Variants in MED12L observed in about 807,000 individuals in gnomAD.
MED12L encodes mediator complex subunit 12L.
In MED12L, 60 loss-of-function variants were observed where a neutral mutation model predicts 281.3. The ratio of observed to expected loss-of-function variants is 0.21; its 90% CI spans 0.17 to 0.26. MED12L has a LOEUF of 0.26. Ranked by LOEUF, MED12L falls within the 10% of genes least tolerant of loss-of-function variation. The pLI, the probability that MED12L is intolerant of heterozygous loss-of-function variation, is 1.00. For synonymous variants in MED12L, 974 were observed against 987.2 expected (o/e 0.99, Z 0.25); for missense variants, 2,146 against 2,680.9 (o/e 0.80, Z 4.41).
At chr3:151,286,252 T>G (rs1490934992) in intron 16 of MED12L, among the ~76,000 whole-genome samples, 1 of 152,212 alleles carries the variant, frequency 6.6e-6, no homozygotes, top group Non-Finnish European at 1.5e-5. Flanking sequence ...AGTTTCTGTC[T>G]CTAAAGGTCT....
Position 151,185,393 on chromosome 3 carries a change from T to C in MED12L, c.1558T>C (p.Ser520Pro), listed in dbSNP as rs777027685. 1 of 1,613,946 alleles carries C rather than the reference T, an allele frequency of 6.2e-7. No individual in the cohort carries two copies. The highest frequency in any genetic ancestry group is 8.5e-7 in the Non-Finnish European group (1 of 1,179,978). ...TGAATGGGCCGTGAGCTGCAAACGG[T>C]CTGGCAAGCACAGGGCCATGGCTGT... ...LCEWAVSCKR[S>P]GKHRAMAVAK... The change falls in exon 12 of 45, where the codon TCT (serine) becomes CCT (proline). Residue 520 changes from serine (S) to proline (P), a missense_variant. This residue lies in a region of MED12L where 722 missense variants were observed against 861.2 expected (regional missense o/e 0.84). Transcript: ENST00000687756.
At chr3:151,396,875 C>T (rs1350430030) in intron 39 of MED12L, among the ~76,000 whole-genome samples, 4 of 152,150 alleles carry the variant, frequency 2.6e-5, no homozygotes, top group Admixed American at 1.3e-4. Flanking sequence ...CCATGACAAA[C>T]GATTTCAGCT....
chr3:151,169,569 A>G (rs527630544), intron 11 of MED12L, among the ~76,000 whole-genome samples: 1 of 152,320 alleles, frequency 6.6e-6, no homozygotes, highest in Non-Finnish European at 1.5e-5. Context: ...GGCATAGAGT[A>G]CTTGCCCTTT....
chr3:151,394,769 GCAATCA>G lies in MED12L; in HGVS notation c.5725_5730del (p.Ile1909_Thr1910del). On this transcript the variant is annotated inframe_deletion, in exon 39 of 45. Coordinates refer to ENST00000687756, the MANE Select transcript of MED12L (RefSeq NM_001393769.1). ...CATGATGCAGCCGCCTTCTCTTCAT[GCAATCA>G]CATCGCAGCAGCAGTTGATACAGAT... is the stretch of plus-strand genomic sequence containing the variant. 6.2e-7 allele frequency: 1 copy of G among 1,614,216 alleles called. No individual in the cohort carries two copies. The highest frequency in any genetic ancestry group is 8.5e-7 in the Non-Finnish European group (1 of 1,180,032).
chr3:151,334,518 T>C (rs1020711417), intron 16 of MED12L, among the ~76,000 whole-genome samples: 2 of 152,102 alleles, frequency 1.3e-5, no homozygotes, highest in Non-Finnish European at 2.9e-5. Flanking sequence ...TTTGTTTATT[T>C]ATTTAGAGAT....
At chr3:151,151,585 T>G (rs1458429196) in intron 5 of MED12L, among the ~76,000 whole-genome samples, 3 of 108,016 alleles carry the variant, frequency 2.8e-5, no homozygotes, top group African/African-American at 1.1e-4. Context: ...AGGCCTGAAG[T>G]TGGGTGGGGG....
At chr3:151,119,314 G>T (rs58218463) in intron 3 of MED12L, among the ~76,000 whole-genome samples, 1 of 151,832 alleles carries the variant, frequency 6.6e-6, no homozygotes, top group African/African-American at 2.4e-5. Flanking sequence ...CTTCAGACTG[G>T]GTGTCTTAAA....
At chr3:151,154,657 G>A (rs1397593569) in intron 5 of MED12L, among the ~76,000 whole-genome samples, 1 of 152,134 alleles carries the variant, frequency 6.6e-6, no homozygotes. Flanking sequence ...AGCAAGGGTT[G>A]GCATACAAAA....
chr3:151,305,749 G>A (rs1336576582), intron 16 of MED12L, among the ~76,000 whole-genome samples: 1 of 151,722 alleles, frequency 6.6e-6, no homozygotes, highest in Non-Finnish European at 1.5e-5. Context: ...AAGTGGGAGG[G>A]GGGCAGTATT....
At chr3:151,139,294 C>G (rs562910132) in intron 5 of MED12L, among the ~76,000 whole-genome samples, 1 of 152,092 alleles carries the variant, frequency 6.6e-6, no homozygotes, top group African/African-American at 2.4e-5. Context: ...AGCCATTTCT[C>G]CAAGGAGCCC....
At chr3:151,115,017 C>G (rs1433883211) in intron 2 of MED12L, among the ~76,000 whole-genome samples, 8 of 152,174 alleles carry the variant, frequency 5.3e-5, no homozygotes, top group African/African-American at 9.7e-5. Flanking sequence ...GTGAGGCACA[C>G]TTTTCTCATC....
At chr3:151,419,168 T>G (rs746774491) in intron 43 of MED12L, among the ~76,000 whole-genome samples, 15 of 152,254 alleles carry the variant, frequency 9.9e-5, no homozygotes, top group Admixed American at 5.2e-4. Context: ...ACTCTTATGT[T>G]TCTGCATTTA....
intron 16 of MED12L, among the ~76,000 whole-genome samples, chr3:151,324,977 C>G (rs1453516221): frequency 6.6e-6 from 1 of 152,070 alleles, no homozygotes; most frequent in Admixed American, 6.6e-5. Context: ...CTGTTAATAT[C>G]TGTGTGAACT....
At chr3:151,361,522 A>C (rs1011328710) in intron 21 of MED12L, among the ~76,000 whole-genome samples, 3 of 152,154 alleles carry the variant, frequency 2.0e-5, no homozygotes, top group Admixed American at 1.3e-4. Flanking sequence ...ATGACCTGAT[A>C]ATGATAGTAG....
intron 16 of MED12L, among the ~76,000 whole-genome samples, chr3:151,234,482 A>T (rs1732324673): frequency 6.6e-6 from 1 of 152,236 alleles, no homozygotes; most frequent in Non-Finnish European, 1.5e-5. Flanking sequence ...TGTTTTTACT[A>T]GCTTGTCTGT....
chr3:151,168,112 C>CA (rs1178555717), intron 11 of MED12L, among the ~76,000 whole-genome samples: 1 of 151,784 alleles, frequency 6.6e-6, no homozygotes, highest in Non-Finnish European at 1.5e-5. Flanking sequence ...GGTGTTTTTT[C>CA]AAAAAAATTC....
intron 16 of MED12L, among the ~76,000 whole-genome samples, chr3:151,237,347 TTTC>T (rs1338012170): frequency 1.5e-5 from 1 of 65,442 alleles, no homozygotes; most frequent in African/African-American, 5.1e-5. Context: ...TTTTTTTTTT[TTTC>T]TTTTTTTTTT....
chr3:151,214,479 A>C (rs920794469), intron 16 of MED12L: 2 of 565,038 alleles, frequency 3.5e-6, no homozygotes, highest in South Asian at 5.0e-5. Context: ...TGTAAGTTAG[A>C]CACTCATCCC....
At chr3:151,354,191 T>TA (rs780120361) in intron 17 of MED12L, among the ~76,000 whole-genome samples, 28 of 148,812 alleles carry the variant, frequency 1.9e-4, no homozygotes, top group Non-Finnish European at 3.1e-4. Context: ...AATGACATTA[T>TA]CAATCATATA....
Sources: allele counts gnomAD v4.1 joint callset (sites outside exome capture counted in the v4.1 genomes callset), GRCh38; gene constraint gnomAD v4.1.1; regional missense constraint gnomAD v4.1.1; transcripts MANE v1.5; gene names NCBI Gene and HGNC (gene_info 2026-07-23, HGNC 2026-07-21).